DOK6: variants seen among roughly 807,000 people sequenced by gnomAD.
The protein encoded by DOK6 is docking protein 6, also known as downstream of tyrosine kinase 6.
DOK6 carries 22 observed loss-of-function variants against 44.0 expected under a neutral mutation model. The observed-to-expected ratio is 0.50, with a 90% CI of 0.36 to 0.71. The LOEUF (loss-of-function observed/expected upper bound fraction) is 0.71, where lower values mean the gene tolerates loss of function less well. Ranked by LOEUF, DOK6 falls within the 30% of genes least tolerant of loss-of-function variation. DOK6 has a pLI of 0.00. For missense variants in DOK6, 340 were observed against 416.4 expected, an observed-to-expected ratio of 0.82 and a Z score of 1.60; for synonymous variants, 166 against 145.5, an observed-to-expected ratio of 1.14 and a Z score of -1.01.
At chr18:69,481,013 A>C (rs1361548432) in intron 1 of DOK6, among the ~76,000 whole-genome samples, 2 of 152,128 alleles carry the variant, frequency 1.3e-5, no homozygotes, top group Non-Finnish European at 2.9e-5. Flanking sequence ...CCCTTCTCCC[A>C]CATTCTATTT....
chr18:69,663,570 A>G (rs1411130411), intron 3 of DOK6, among the ~76,000 whole-genome samples: 2 of 152,214 alleles, frequency 1.3e-5, no homozygotes, highest in African/African-American at 4.8e-5. Flanking sequence ...ATTGGAGAAC[A>G]CTGTTAATTG....
intron 2 of DOK6, among the ~76,000 whole-genome samples, chr18:69,572,018 G>C (rs148385432): frequency 2.6e-5 from 4 of 152,142 alleles, no homozygotes; most frequent in African/African-American, 9.6e-5. Flanking sequence ...AAAATATTGT[G>C]TTCTTTGACC....
At chr18:69,601,552 A>G (rs1983872834) in intron 3 of DOK6, among the ~76,000 whole-genome samples, 1 of 152,320 alleles carries the variant, frequency 6.6e-6, no homozygotes. Flanking sequence ...GGGAAGTGTG[A>G]TAACAGAGCA....
At chr18:69,811,997 C>A (rs1037881584) in intron 7 of DOK6, among the ~76,000 whole-genome samples, 8 of 151,882 alleles carry the variant, frequency 5.3e-5, no homozygotes, top group African/African-American at 1.9e-4. Context: ...AGGAGGCAGG[C>A]AACAAACAAA....
chr18:69,788,991 A>T (rs914248258), intron 7 of DOK6, among the ~76,000 whole-genome samples: 1 of 152,242 alleles, frequency 6.6e-6, no homozygotes, highest in Non-Finnish European at 1.5e-5. Context: ...CCCAATAAAC[A>T]GTTCCTTAAA....
chr18:69,721,360 AACAGCAG>A (rs1304855384), intron 5 of DOK6: 1 of 152,192 alleles, frequency 6.6e-6, no homozygotes, highest in African/African-American at 2.4e-5. Context: ...TCCCTCTTCA[AACAGCAG>A]GTGCTTGATG....
At chr18:69,664,481 A>T (rs1057478106) in intron 3 of DOK6, among the ~76,000 whole-genome samples, 1 of 152,202 alleles carries the variant, frequency 6.6e-6, no homozygotes, top group East Asian at 1.9e-4. Context: ...GTATTTCAAC[A>T]TCAGTGGTCC....
intron 1 of DOK6, among the ~76,000 whole-genome samples, chr18:69,422,184 C>A (rs1166057430): frequency 6.6e-6 from 1 of 152,084 alleles, no homozygotes; most frequent in Non-Finnish European, 1.5e-5. Flanking sequence ...TCCCTGTCTT[C>A]TCCTCCTCCT....
At chr18:69,660,478 A>G (rs914764954) in intron 3 of DOK6, 2 of 151,994 alleles carry the variant, frequency 1.3e-5, no homozygotes, top group African/African-American at 4.8e-5. Flanking sequence ...CTTTTTTTTC[A>G]GATTGGTCTT....
chr18:69,587,665 G>A (rs781030814), intron 2 of DOK6, among the ~76,000 whole-genome samples: 3 of 152,050 alleles, frequency 2.0e-5, no homozygotes, highest in Non-Finnish European at 4.4e-5. Flanking sequence ...TATCCGTGTG[G>A]TAAAATTGCA....
intron 1 of DOK6, among the ~76,000 whole-genome samples, chr18:69,509,402 C>G (rs1981286166): frequency 6.6e-6 from 1 of 152,210 alleles, no homozygotes; most frequent in African/African-American, 2.4e-5. Flanking sequence ...CTTTGGGAGG[C>G]CAAGGCGGGC....
At chr18:69,674,710 C>T (rs114131188) in intron 3 of DOK6, among the ~76,000 whole-genome samples, 98 of 152,092 alleles carry the variant, frequency 6.4e-4, no homozygotes, top group African/African-American at 2.3e-3. Flanking sequence ...TCTCTGCTTG[C>T]CCTGATACTT....
intron 3 of DOK6, among the ~76,000 whole-genome samples, chr18:69,612,184 G>T (rs1599221429): frequency 6.7e-6 from 1 of 148,956 alleles, no homozygotes; most frequent in East Asian, 2.0e-4. Flanking sequence ...ATATGTCTGT[G>T]ATCTTAAGGT....
chr18:69,508,695 T>A (rs76013109), intron 1 of DOK6, among the ~76,000 whole-genome samples: 2,197 of 152,280 alleles, frequency 0.014, 46 homozygotes, highest in African/African-American at 0.05. Flanking sequence ...GCACTAAGTG[T>A]ATTTATGGAT....
intron 2 of DOK6, among the ~76,000 whole-genome samples, chr18:69,590,068 C>T (rs1231031051): frequency 6.6e-6 from 1 of 151,990 alleles, no homozygotes; most frequent in South Asian, 2.1e-4. Flanking sequence ...TTTGCTTCTC[C>T]CATAGGCTAT....
rs563768540 is a variant in DOK6 at position 69,428,558 on chromosome 18, A to G, written c.66+27248A>G. Among the ~76,000 whole-genome samples the G allele has an allele frequency of 5.3e-5, 8 of 152,228 alleles. No homozygotes were observed. The South Asian group carries it at 1.7e-3, about 32-fold the overall frequency. ...TAAGGATTAATTCTTAATCCTTAAGAGGATAACTCTAGAGCTTCCTCATGA... is the reference window on the plus strand; with the variant it reads ...TAAGGATTAATTCTTAATCCTTAAGGGGATAACTCTAGAGCTTCCTCATGA... On this transcript the variant is annotated intron_variant, in intron 1 of 7. Coordinates refer to ENST00000382713, the MANE Select transcript of DOK6 (RefSeq NM_152721.6).
At chr18:69,607,392 C>A (rs1346888993) in intron 3 of DOK6, among the ~76,000 whole-genome samples, 2 of 151,990 alleles carry the variant, frequency 1.3e-5, no homozygotes, top group African/African-American at 4.8e-5. Flanking sequence ...AAAGCTACAG[C>A]AATATACCAT....
chr18:69,528,368 T>TA (rs1555710345), intron 1 of DOK6, among the ~76,000 whole-genome samples: 1 of 152,178 alleles, frequency 6.6e-6, no homozygotes, highest in Non-Finnish European at 1.5e-5. Context: ...CTAACGTACT[T>TA]AAAGTTAGTA....
intron 7 of DOK6, among the ~76,000 whole-genome samples, chr18:69,795,236 C>A (rs907564200): frequency 5.9e-5 from 9 of 151,986 alleles, no homozygotes; most frequent in Admixed American, 5.9e-4. Context: ...CTTAAACAAC[C>A]AAGACAAGCG....
Sources: allele counts gnomAD v4.1 joint callset (sites outside exome capture counted in the v4.1 genomes callset), GRCh38; gene constraint gnomAD v4.1.1; transcripts MANE v1.5; gene names NCBI Gene and HGNC (gene_info 2026-07-23, HGNC 2026-07-21).